The following TRHDE variants were observed in gnomAD, a reference collection of about 807,000 sequenced individuals.
TRHDE encodes the protein thyrotropin releasing hormone degrading enzyme.
In TRHDE, 72 loss-of-function variants were observed where a neutral mutation model predicts 125.7. That is an observed-to-expected ratio of 0.57 (90% CI 0.47 to 0.70). TRHDE has a LOEUF of 0.70. Ranked by LOEUF, TRHDE falls within the 30% of genes least tolerant of loss-of-function variation. The probability of loss-of-function intolerance (pLI) is 0.00; values close to 1 mark genes in which losing one functional copy is unlikely to be tolerated. For synonymous variants in TRHDE, 509 were observed against 509.1 expected (o/e 1.00, Z 0.00); for missense variants, 1,110 against 1,327.1 (o/e 0.84, Z 2.54).
In TRHDE at chr12:72,668,408, A is replaced by T. The variant is rs952165062; in HGVS notation, c.*5213A>T. ...TCACCACTGGCCCCACTAGTAGATG[A>T]TTTTACCCCAGATTTTGAAAACATA... is the stretch of plus-strand genomic sequence containing the variant. On this transcript the variant is annotated 3_prime_UTR_variant, in exon 19 of 19. Coordinates refer to ENST00000261180, the MANE Select transcript of TRHDE (RefSeq NM_013381.3). The T allele has an allele frequency of 6.6e-6, 1 of 151,658 alleles. No individual in the cohort carries two copies. The allele number at this position is 151,658 out of a possible 1,614,324, so 9.4% of individuals were successfully genotyped here. A position where few individuals can be genotyped will look rare whatever the true frequency, so the allele number is the denominator to read the frequency against.
At chr12:72,373,966 T>C (rs2135769192) in intron 2 of TRHDE, among the ~76,000 whole-genome samples, 1 of 152,244 alleles carries the variant, frequency 6.6e-6, no homozygotes, top group African/African-American at 2.4e-5. Flanking sequence ...GATTTGAAGC[T>C]CATTTTAACA....
chr12:72,189,042 C>T (rs1592476225), intron 2 of TRHDE, among the ~76,000 whole-genome samples: 1 of 152,332 alleles, frequency 6.6e-6, no homozygotes, highest in South Asian at 2.1e-4. Context: ...ATTCACTTAG[C>T]TGCCCTAAAA....
At chr12:72,622,377 C>T (rs1333379117) in intron 15 of TRHDE, among the ~76,000 whole-genome samples, 4 of 151,852 alleles carry the variant, frequency 2.6e-5, no homozygotes, top group African/African-American at 4.8e-5. Flanking sequence ...TAAAAATAAT[C>T]GAAGATTATT....
intron 5 of TRHDE, among the ~76,000 whole-genome samples, chr12:72,477,127 A>G (rs1565757526): frequency 6.6e-6 from 1 of 152,212 alleles, no homozygotes; most frequent in African/African-American, 2.4e-5. Flanking sequence ...GTAAGTCCAC[A>G]TAATTTTTTT....
At chr12:72,517,386 T>C (rs1452400772) in intron 6 of TRHDE, among the ~76,000 whole-genome samples, 1 of 152,188 alleles carries the variant, frequency 6.6e-6, no homozygotes, top group South Asian at 2.1e-4. Context: ...AGTGCATGTG[T>C]CGAGGAATTT....
intron 18 of TRHDE, among the ~76,000 whole-genome samples, chr12:72,660,545 A>T (rs556147911): frequency 6.6e-6 from 1 of 152,176 alleles, no homozygotes; most frequent in Admixed American, 6.5e-5. Context: ...CTTGCCTTCT[A>T]GGTCACTTCT....
At chr12:72,597,725 A>G (rs1284779693) in intron 12 of TRHDE, among the ~76,000 whole-genome samples, 5 of 6,286 alleles carry the variant, frequency 8.0e-4, no homozygotes, top group African/African-American at 2.5e-3. Flanking sequence ...ATATATATAT[A>G]TATATATATA....
At chr12:72,245,426 C>T (rs781486397) in intron 2 of TRHDE, among the ~76,000 whole-genome samples, 2 of 151,980 alleles carry the variant, frequency 1.3e-5, no homozygotes, top group Non-Finnish European at 2.9e-5. Context: ...TTCAAAATCT[C>T]AACCTTCAGA....
intron 3 of TRHDE, among the ~76,000 whole-genome samples, chr12:72,411,913 T>C (rs2135815628): frequency 6.6e-6 from 1 of 152,250 alleles, no homozygotes; most frequent in South Asian, 2.1e-4. Flanking sequence ...TACTAGACCA[T>C]TTGGATATCA....
intron 5 of TRHDE, among the ~76,000 whole-genome samples, chr12:72,493,663 C>A (rs987906536): frequency 1.3e-5 from 2 of 151,908 alleles, no homozygotes. Context: ...TCATTATTGC[C>A]TATCTTCCTT....
intron 2 of TRHDE, among the ~76,000 whole-genome samples, chr12:72,289,857 C>T (rs1880022679): frequency 6.6e-6 from 1 of 152,158 alleles, no homozygotes; most frequent in Non-Finnish European, 1.5e-5. Flanking sequence ...GCATTTGCTT[C>T]CCAGTTTCAC....
chr12:72,376,094 G>T (rs1185257307), intron 2 of TRHDE, among the ~76,000 whole-genome samples: 4 of 152,160 alleles, frequency 2.6e-5, no homozygotes, highest in South Asian at 2.1e-4. Context: ...TCTTCCCCTT[G>T]GTAACCAGTA....
chr12:72,340,428 A>C (rs770754972), intron 2 of TRHDE, among the ~76,000 whole-genome samples: 1 of 152,160 alleles, frequency 6.6e-6, no homozygotes, highest in Non-Finnish European at 1.5e-5. Context: ...TGAGTTTGCT[A>C]TGAGGAACTG....
chr12:72,471,004 G>A (rs12322599), intron 4 of TRHDE, among the ~76,000 whole-genome samples: 14,400 of 148,176 alleles, frequency 0.097, 867 homozygotes, highest in African/African-American at 0.17. Flanking sequence ...AGCTTCCCAA[G>A]TATCTGGGAC....
intron 2 of TRHDE, among the ~76,000 whole-genome samples, chr12:72,197,269 C>T (rs187705077): frequency 2.6e-5 from 4 of 152,188 alleles, no homozygotes; most frequent in Non-Finnish European, 5.9e-5. Context: ...CGCAGTGAAG[C>T]CTTCCCATTC....
intron 2 of TRHDE, among the ~76,000 whole-genome samples, chr12:72,198,141 T>C (rs909762733): frequency 6.6e-6 from 1 of 152,180 alleles, no homozygotes; most frequent in African/African-American, 2.4e-5. Context: ...CATGTATCAA[T>C]ACTTCATTCC....
intron 15 of TRHDE, among the ~76,000 whole-genome samples, chr12:72,649,297 A>G (rs1874409236): frequency 1.3e-5 from 2 of 152,114 alleles, no homozygotes; most frequent in African/African-American, 4.8e-5. Context: ...TAAAAAAAAA[A>G]AGATAGTGTT....
Position 72,664,206 on chromosome 12 carries a change from A to C in TRHDE, c.*1011A>C, listed in dbSNP as rs1400479065. The C allele has an allele frequency of 2.0e-5, 3 of 152,534 alleles. No homozygotes were observed. The highest frequency in any genetic ancestry group is 2.9e-5 in the Non-Finnish European group (2 of 68,032). The allele number at this position is 152,534 out of a possible 1,614,324, so 9.4% of individuals were successfully genotyped here. A position where few individuals can be genotyped will look rare whatever the true frequency, so the allele number is the denominator to read the frequency against. On this transcript the variant is annotated 3_prime_UTR_variant, in exon 19 of 19. Coordinates refer to ENST00000261180, the MANE Select transcript of TRHDE (RefSeq NM_013381.3). ...CGTTTTCTGTCAAAGTTCCTTTTGC[A>C]TGAAACAATTATGCAAACTTATAAT...
intron 2 of TRHDE, among the ~76,000 whole-genome samples, chr12:72,136,670 C>G (rs763757045): frequency 1.3e-5 from 2 of 152,194 alleles, no homozygotes; most frequent in African/African-American, 4.8e-5. Context: ...TTTGTTGGAA[C>G]ATCTACATCC....
Sources: allele counts gnomAD v4.1 joint callset (sites outside exome capture counted in the v4.1 genomes callset), GRCh38; gene constraint gnomAD v4.1.1; transcripts MANE v1.5; gene names NCBI Gene and HGNC (gene_info 2026-07-23, HGNC 2026-07-21).